The following SDK1 variants were observed in gnomAD, a reference collection of about 807,000 sequenced individuals.
The protein encoded by SDK1 is protein sidekick-1.
A neutral mutation model predicts 245.5 loss-of-function variants in SDK1; 157 were observed. That is an observed-to-expected ratio of 0.64 (90% CI 0.56 to 0.73). The LOEUF is 0.73. SDK1 is among the 30% of genes least tolerant of loss of function. The pLI is 0.00. For synonymous variants in SDK1, 1,647 were observed against 1,278.5 expected (o/e 1.29, Z -6.15); for missense variants, 3,583 against 3,002.3 (o/e 1.19, Z -4.52).
At chr7:3,394,717 C>G (rs1439504400) in intron 1 of SDK1, among the ~76,000 whole-genome samples, 2 of 151,914 alleles carry the variant, frequency 1.3e-5, no homozygotes, top group Non-Finnish European at 2.9e-5. Flanking sequence ...TTTTACAGTA[C>G]AAGTCTTGTT....
At chr7:3,619,898 A>G (rs12535467) in intron 2 of SDK1, among the ~76,000 whole-genome samples, 47,331 of 152,054 alleles carry the variant, frequency 0.31, 7,590 homozygotes, top group Non-Finnish European at 0.34. Context: ...TGGAGGCAGT[A>G]GCACAGCCTT....
chr7:4,070,607 A>T (rs573631572), intron 20 of SDK1, among the ~76,000 whole-genome samples: 1 of 152,314 alleles, frequency 6.6e-6, no homozygotes, highest in South Asian at 2.1e-4. Flanking sequence ...ACTACTCATC[A>T]GTAGAATCTC....
intron 22 of SDK1, among the ~76,000 whole-genome samples, chr7:4,085,543 C>A (rs1291371896): frequency 6.6e-6 from 1 of 151,958 alleles, no homozygotes; most frequent in East Asian, 1.9e-4. Context: ...CTTTAAAAAT[C>A]ATTTTACATT....
At chr7:3,469,838 C>T (rs572043593) in intron 1 of SDK1, among the ~76,000 whole-genome samples, 1 of 152,130 alleles carries the variant, frequency 6.6e-6, no homozygotes, top group East Asian at 1.9e-4. Flanking sequence ...ATTGAAAATG[C>T]TTCCTAAGAT....
intron 5 of SDK1, among the ~76,000 whole-genome samples, chr7:3,908,969 T>G (rs1021248586): frequency 6.6e-5 from 10 of 151,966 alleles, no homozygotes; most frequent in African/African-American, 9.7e-5. Flanking sequence ...CATCAGGAGA[T>G]GGAGGTGAGC....
At chr7:3,433,149 G>A (rs1474320200) in intron 1 of SDK1, among the ~76,000 whole-genome samples, 5 of 152,116 alleles carry the variant, frequency 3.3e-5, no homozygotes, top group Admixed American at 2.6e-4. Flanking sequence ...GTGACAGTAC[G>A]GTGTTTAGCA....
intron 1 of SDK1, among the ~76,000 whole-genome samples, chr7:3,520,496 A>C (rs1341632800): frequency 6.6e-6 from 1 of 152,206 alleles, no homozygotes; most frequent in East Asian, 1.9e-4. Flanking sequence ...CTGTTAAAGA[A>C]AACCTTTGAG....
intron 1 of SDK1, among the ~76,000 whole-genome samples, chr7:3,303,592 C>T (rs1006602150): frequency 6.6e-6 from 1 of 151,870 alleles, no homozygotes. Flanking sequence ...ATATTTTATT[C>T]CTTTTTGGCA....
rs568730591 is a variant in SDK1 at position 4,044,258 on chromosome 7, G to A, written c.2603-5090G>A. Among the ~76,000 whole-genome samples the A allele has an allele frequency of 2.0e-5, 3 of 152,278 alleles. No homozygotes were observed. The South Asian group carries it at 6.2e-4, about 32-fold the overall frequency. On this transcript the variant is annotated intron_variant, in intron 17 of 44. Transcript: ENST00000404826. Reference sequence around the variant, plus strand: ...TGGGCAGCTGCCCCTGGCCTCGCCAGCCTGCAGCCTCAGGATCCCCACACT... The same window carrying A: ...TGGGCAGCTGCCCCTGGCCTCGCCAACCTGCAGCCTCAGGATCCCCACACT...
chr7:3,479,413 C>T (rs1583920358), intron 1 of SDK1, among the ~76,000 whole-genome samples: 1 of 86,450 alleles, frequency 1.2e-5, no homozygotes, highest in East Asian at 3.2e-4. Context: ...CAGGGTGAGA[C>T]TGTGTCTCAA....
At chr7:3,650,447 A>T (rs1470267836) in intron 4 of SDK1, among the ~76,000 whole-genome samples, 1 of 152,224 alleles carries the variant, frequency 6.6e-6, no homozygotes, top group Non-Finnish European at 1.5e-5. Flanking sequence ...GAATGGAATC[A>T]TATGGCATTT....
At chr7:3,759,345 G>T (rs1195461581) in intron 4 of SDK1, among the ~76,000 whole-genome samples, 1 of 152,146 alleles carries the variant, frequency 6.6e-6, no homozygotes, top group Non-Finnish European at 1.5e-5. Context: ...ATTTTTAAAA[G>T]AGCAGTGCTA....
At chr7:3,536,748 T>G (rs560560216) in intron 1 of SDK1, among the ~76,000 whole-genome samples, 1 of 152,040 alleles carries the variant, frequency 6.6e-6, no homozygotes, top group Non-Finnish European at 1.5e-5. Context: ...TGTCTGAAAG[T>G]AAATAAAGCA....
intron 23 of SDK1, among the ~76,000 whole-genome samples, chr7:4,111,527 TA>T (rs58736600): frequency 0.047 from 6,729 of 143,850 alleles, 494 homozygotes; most frequent in African/African-American, 0.16. Context: ...AAGTTAGAGT[TA>T]AAAAAAAAAA....
intron 35 of SDK1, among the ~76,000 whole-genome samples, chr7:4,182,351 C>T (rs973113865): frequency 3.9e-5 from 6 of 152,226 alleles, no homozygotes; most frequent in African/African-American, 1.4e-4. Flanking sequence ...CTCTCTAATG[C>T]TGCTCCTCCC....
intron 22 of SDK1, among the ~76,000 whole-genome samples, chr7:4,091,651 G>A (rs1562796405): frequency 6.6e-6 from 1 of 151,972 alleles, no homozygotes; most frequent in Non-Finnish European, 1.5e-5. Flanking sequence ...CAACAGCAAG[G>A]TATGCTTTTA....
intron 22 of SDK1, among the ~76,000 whole-genome samples, chr7:4,085,496 G>A (rs1428934837): frequency 1.3e-5 from 2 of 151,996 alleles, no homozygotes. Context: ...TTCAGGACTT[G>A]TTTTGTTTTT....
At chr7:4,180,229 AGCTCCAGCTCTATGCCCAGTGCCCG>A (rs1562398437) in intron 35 of SDK1, among the ~76,000 whole-genome samples, 3 of 117,206 alleles carry the variant, frequency 2.6e-5, no homozygotes, top group South Asian at 5.8e-4. Context: ...CCCAGCGCCC[AGCTCCAGCTCTATGCCCAGTGCCCG>A]GCTCCAGCTC....
rs1488906590 is a variant in SDK1, at chr7:3,898,138, G to A, written c.848-52785G>A. ...ATCCATGAATGTAACCTGAGTTGAA[G>A]TGGCCTGAATAGAAGAACAGAAGTG... On this transcript the variant is annotated intron_variant, in intron 5 of 44. Transcript: ENST00000404826. Among the ~76,000 whole-genome samples, 5 of 152,222 alleles carry A rather than the reference G, an allele frequency of 3.3e-5. No homozygotes were observed. In the South Asian group the frequency reaches 1.0e-3, roughly 31 times the overall value.
Sources: allele counts gnomAD v4.1 joint callset (sites outside exome capture counted in the v4.1 genomes callset), GRCh38; gene constraint gnomAD v4.1.1; transcripts MANE v1.5; gene names NCBI Gene and HGNC (gene_info 2026-07-23, HGNC 2026-07-21).